The following FGF12 variants were observed in gnomAD, a reference collection of about 807,000 sequenced individuals.
The protein encoded by FGF12 is fibroblast growth factor 12B.
A neutral mutation model predicts 23.6 loss-of-function variants in FGF12; 14 were observed. The observed-to-expected ratio is 0.59, with a 90% CI of 0.39 to 0.93. The LOEUF is 0.93. FGF12 is among the 40% of genes least tolerant of loss of function. The pLI is 0.00. For missense variants in FGF12, 175 were observed against 217.8 expected, an observed-to-expected ratio of 0.80 and a Z score of 1.24; for synonymous variants, 62 against 77.3, an observed-to-expected ratio of 0.80 and a Z score of 1.04.
chr3:192,671,464 C>G (rs928790014), intron 2 of FGF12, among the ~76,000 whole-genome samples: 1 of 152,100 alleles, frequency 6.6e-6, no homozygotes, highest in African/African-American at 2.4e-5. Context: ...GTCATGTTCT[C>G]TAATCACCAG....
At chr3:192,573,897 T>G (rs1264679242) in intron 2 of FGF12, among the ~76,000 whole-genome samples, 3 of 152,228 alleles carry the variant, frequency 2.0e-5, no homozygotes, top group Non-Finnish European at 2.9e-5. Context: ...TCATTTAGTC[T>G]TCATTTAAGT....
intron 2 of FGF12, among the ~76,000 whole-genome samples, chr3:192,651,225 C>A (rs111413620): frequency 4.6e-5 from 7 of 152,236 alleles, no homozygotes; most frequent in African/African-American, 1.4e-4. Context: ...TCAGACTAAC[C>A]GACATTTGTT....
intron 4 of FGF12, among the ~76,000 whole-genome samples, chr3:192,330,685 A>G (rs1394646785): frequency 1.3e-5 from 2 of 151,974 alleles, no homozygotes; most frequent in African/African-American, 4.8e-5. Flanking sequence ...CCTGGCAACA[A>G]AGCAAGACTC....
rs551316430 is a variant in FGF12, at chr3:192,262,471, T to A, written c.228+72890A>T. ...ATGGTATATATAGTTGTGTGCCACA[T>A]AACGATGTTTTGGTCAACAATGTAC... On this transcript the variant is annotated intron_variant, in intron 4 of 5. Transcript: ENST00000445105. Among the ~76,000 whole-genome samples, 11 of 152,282 alleles carry A rather than the reference T, an allele frequency of 7.2e-5. No individual in the cohort carries two copies. The East Asian group carries it at 1.9e-3, about 27-fold the overall frequency.
chr3:192,359,641 T>C (rs562293367), intron 3 of FGF12, among the ~76,000 whole-genome samples: 1 of 152,308 alleles, frequency 6.6e-6, no homozygotes, highest in South Asian at 2.1e-4. Flanking sequence ...CTCTGGAGCT[T>C]GTATTTGACA....
intron 2 of FGF12, among the ~76,000 whole-genome samples, chr3:192,542,773 C>A (rs1025209249): frequency 2.0e-5 from 3 of 152,094 alleles, no homozygotes; most frequent in African/African-American, 4.8e-5. Context: ...TATAGAGATA[C>A]TTCTTGGTGG....
intron 2 of FGF12, among the ~76,000 whole-genome samples, chr3:192,694,939 G>A (rs1718066420): frequency 6.6e-6 from 1 of 151,972 alleles, no homozygotes; most frequent in African/African-American, 2.4e-5. Flanking sequence ...GATAAGTAGA[G>A]ATCTAGTGTA....
chr3:192,386,895 C>A (rs1720067396), intron 2 of FGF12, among the ~76,000 whole-genome samples: 1 of 152,196 alleles, frequency 6.6e-6, no homozygotes, highest in Non-Finnish European at 1.5e-5. Flanking sequence ...GTTTCAGGTA[C>A]AGGGCTAGTG....
At chr3:192,607,616 A>C (rs941905311) in intron 2 of FGF12, among the ~76,000 whole-genome samples, 1 of 152,158 alleles carries the variant, frequency 6.6e-6, no homozygotes, top group African/African-American at 2.4e-5. Flanking sequence ...TTGGAGTAAA[A>C]GGTTTTCTTC....
At chr3:192,243,584 A>C (rs1301222009) in intron 4 of FGF12, among the ~76,000 whole-genome samples, 1 of 151,940 alleles carries the variant, frequency 6.6e-6, no homozygotes, top group Non-Finnish European at 1.5e-5. Flanking sequence ...ATCCAACTTA[A>C]GCATAAAATT....
At chr3:192,496,690 GA>G (rs1274495490) in intron 2 of FGF12, among the ~76,000 whole-genome samples, 1 of 151,982 alleles carries the variant, frequency 6.6e-6, no homozygotes, top group Admixed American at 6.6e-5. Flanking sequence ...CTTCTCCGTC[GA>G]AACTGCTCAC....
intron 2 of FGF12, among the ~76,000 whole-genome samples, chr3:192,718,988 TAA>T (rs540587523): frequency 7.0e-6 from 1 of 142,172 alleles, no homozygotes. Flanking sequence ...CAAACCGAGT[TAA>T]AAAAAAAAAA....
At chr3:192,155,924 C>G (rs1577181913) in intron 5 of FGF12, among the ~76,000 whole-genome samples, 2 of 152,168 alleles carry the variant, frequency 1.3e-5, no homozygotes, top group African/African-American at 4.8e-5. Context: ...CAGAAAGATT[C>G]CTAGTCCCTT....
intron 5 of FGF12, among the ~76,000 whole-genome samples, chr3:192,158,332 C>CTTTCTTTCTTTCT (rs1459698854): frequency 1.3e-4 from 15 of 112,446 alleles, no homozygotes; most frequent in South Asian, 1.1e-3. Flanking sequence ...TTCTTTCTTT[C>CTTTCTTTCTTTCT]TCTTTCTTTC....
intron 2 of FGF12, among the ~76,000 whole-genome samples, chr3:192,488,518 T>C (rs1216721814): frequency 1.3e-5 from 2 of 152,066 alleles, no homozygotes; most frequent in Non-Finnish European, 2.9e-5. Context: ...AATACCACAT[T>C]GGAAATGACA....
chr3:192,468,480 G>A (rs558629914), intron 2 of FGF12, among the ~76,000 whole-genome samples: 11 of 152,220 alleles, frequency 7.2e-5, no homozygotes, highest in African/African-American at 2.6e-4. Context: ...ATACTGATGG[G>A]TTATTTTGTA....
intron 4 of FGF12, among the ~76,000 whole-genome samples, chr3:192,269,327 C>A (rs1011746251): frequency 6.6e-6 from 1 of 152,150 alleles, no homozygotes; most frequent in African/African-American, 2.4e-5. Context: ...TTTTATTTCT[C>A]TATATTCTCC....
At chr3:192,646,993 G>A (rs188720673) in intron 2 of FGF12, among the ~76,000 whole-genome samples, 53 of 152,214 alleles carry the variant, frequency 3.5e-4, no homozygotes, top group Non-Finnish European at 7.2e-4. Context: ...GATTTTACCA[G>A]AATTAATTTT....
chr3:192,669,602 TAAAAAAA>T lies in FGF12; in HGVS notation c.13+57572_13+57578del, dbSNP rs59897483. Reference sequence around the variant, plus strand: ...CTGGAGACAGAGAAAGACTCTGTCTTAAAAAAAAAAAAAAAAAAAAAAAAAAAAAAAT... The same window carrying T: ...CTGGAGACAGAGAAAGACTCTGTCTTAAAAAAAAAAAAAAAAAAAAAAAAT... On this transcript the variant is annotated intron_variant, in intron 2 of 5. Coordinates refer to ENST00000445105, the MANE Select transcript of FGF12 (RefSeq NM_004113.6). Among the ~76,000 whole-genome samples the T allele has an allele frequency of 1.9e-3, 116 of 59,532 alleles. 1 individual carries two copies. Among genetic ancestry groups the T allele is most frequent in the Middle Eastern group, 0.012 (1 of 84 alleles). The allele number at this position is 59,532 out of a possible 152,430, so 39.1% of individuals were successfully genotyped here.
Sources: allele counts gnomAD v4.1 joint callset (sites outside exome capture counted in the v4.1 genomes callset), GRCh38; gene constraint gnomAD v4.1.1; transcripts MANE v1.5; gene names NCBI Gene and HGNC (gene_info 2026-07-23, HGNC 2026-07-21).